ANKLE2: variants seen among roughly 807,000 people sequenced by gnomAD.
The protein encoded by ANKLE2 is ankyrin repeat and LEM domain-containing protein 2.
In ANKLE2, 55 loss-of-function variants were observed where a neutral mutation model predicts 84.2. That is an observed-to-expected ratio of 0.65 (90% CI 0.53 to 0.82). The LOEUF (loss-of-function observed/expected upper bound fraction) is 0.82. Ranked by LOEUF, ANKLE2 falls within the 40% of genes least tolerant of loss-of-function variation. ANKLE2 has a pLI of 0.00. For missense variants in ANKLE2, 1,238 were observed against 1,201.9 expected, an observed-to-expected ratio of 1.03 and a Z score of -0.44; for synonymous variants, 551 against 486.1, an observed-to-expected ratio of 1.13 and a Z score of -1.76.
At position 132,761,774 on chromosome 12, in the gene ANKLE2, C is replaced by T; in HGVS notation, c.25G>A (p.Ala9Thr). Residue 9 changes from alanine (A) to threonine (T), a missense_variant, in exon 1 of 13, where the codon GCC (alanine) becomes ACC (threonine). Physicochemically the swap from Ala to Thr is moderately conservative, Grantham distance 58. Around this residue, in one of 3 missense-constraint regions of ANKLE2, gnomAD observed 422 missense variants for 394.5 expected, o/e 1.07. Coordinates refer to ENST00000357997, the MANE Select transcript of ANKLE2 (RefSeq NM_015114.3). The stretch of plus-strand genomic sequence containing the variant: ...TCCCAGGCCAGCGCCGCCCACTCGG[C>T]CGCCGCCAGCCGCGGCCACAGCATC... MLWPRLAA[A>T]EWAALAWELL... The T allele has an allele frequency of 8.6e-7, 1 of 1,158,208 alleles. No homozygotes were observed. The highest frequency in any genetic ancestry group is 1.6e-5 in the African/African-American group (1 of 61,290). 71.7% of individuals were successfully genotyped at this position (1,158,208 alleles called of 1,614,324 possible).
intron 11 of ANKLE2, 93 bp from the exon 12 acceptor site, chr12:132,728,256 G>C: frequency 6.8e-7 from 1 of 1,478,082 alleles, no homozygotes; most frequent in East Asian, 2.4e-5. Flanking sequence ...TTGAGACGGA[G>C]TCTTGCTCTG....
At chr12:132,730,465 T>G in intron 10 of ANKLE2, 195 bp from the exon 11 acceptor site, 1 of 576,644 alleles carries the variant, frequency 1.7e-6, no homozygotes, top group Non-Finnish European at 2.9e-6. Flanking sequence ...CTCATCAGAT[T>G]TCAGGATGGA....
chr12:132,735,776 G>A (rs186495141), intron 8 of ANKLE2, among the ~76,000 whole-genome samples: 10 of 152,294 alleles, frequency 6.6e-5, no homozygotes, highest in East Asian at 1.9e-4. Flanking sequence ...AGGAGGGCCC[G>A]AGCACGAGGC....
At chr12:132,738,919 T>C (rs903016217) in intron 7 of ANKLE2, 39 of 152,224 alleles carry the variant, frequency 2.6e-4, no homozygotes, top group African/African-American at 8.4e-4. Context: ...GTGGTACATA[T>C]ATACCACAGG....
intron 9 of ANKLE2, 137 bp from the exon 10 acceptor site, chr12:132,734,712 T>A: frequency 1.2e-6 from 1 of 869,306 alleles, no homozygotes; most frequent in Non-Finnish European, 1.7e-6. Flanking sequence ...TATCCTTAAC[T>A]GGCAGCTGAA....
chr12:132,753,460 G>A (rs750171164), intron 2 of ANKLE2, among the ~76,000 whole-genome samples: 1 of 151,746 alleles, frequency 6.6e-6, no homozygotes, highest in East Asian at 2.0e-4. Context: ...GCGAAACCCC[G>A]CCTCTATAAA....
At position 132,761,815 on chromosome 12, in the gene ANKLE2, G is replaced by C; in HGVS notation, c.-17C>G. 2.9e-6 allele frequency: 3 copies of C among 1,026,540 alleles called. No homozygotes were observed. The highest frequency in any genetic ancestry group is 3.5e-6 in the Non-Finnish European group (3 of 859,300). The allele number at this position is 1,026,540 out of a possible 1,614,324, so 63.6% of individuals were successfully genotyped here. ...CCACAGCATCGCCGCCGCCCGGGCCGCAGCCGCCGAGAAGCCCGCGCCCCG... is the reference window on the plus strand; with the variant it reads ...CCACAGCATCGCCGCCGCCCGGGCCCCAGCCGCCGAGAAGCCCGCGCCCCG... On this transcript the variant is annotated 5_prime_UTR_variant, in exon 1 of 13. Coordinates refer to ENST00000357997, the MANE Select transcript of ANKLE2 (RefSeq NM_015114.3).
intron 11 of ANKLE2, among the ~76,000 whole-genome samples, chr12:132,728,711 G>A (rs1294908593): frequency 6.6e-6 from 1 of 152,212 alleles, no homozygotes; most frequent in Non-Finnish European, 1.5e-5. Context: ...GTGATGAGAA[G>A]AGCAGGGGCC....
intron 5 of ANKLE2, among the ~76,000 whole-genome samples, chr12:132,747,011 G>A (rs559634653): frequency 2.6e-4 from 40 of 152,340 alleles, no homozygotes; most frequent in African/African-American, 8.7e-4. Flanking sequence ...AGCTGTGCCC[G>A]CTTCCCAGTG....
intron 6 of ANKLE2, chr12:132,741,945 T>C: frequency 2.3e-6 from 1 of 426,718 alleles, no homozygotes. Context: ...AAATCAACTT[T>C]CTCAGCCCTT....
At chr12:132,734,645 G>A in intron 9 of ANKLE2, 70 bp from the exon 10 acceptor site, 1 of 1,448,558 alleles carries the variant, frequency 6.9e-7, no homozygotes, top group Non-Finnish European at 9.3e-7. Context: ...ACAGAAAAAA[G>A]CCACTAAAGC....
Position 132,750,701 on chromosome 12 carries a change from C to T in ANKLE2, c.789G>A (p.Thr263=), listed in dbSNP as rs576873976. The T allele has an allele frequency of 1.9e-6, 3 of 1,614,104 alleles. No homozygotes were observed. Among genetic ancestry groups the T allele is most frequent in the Non-Finnish European group, 2.5e-6 (3 of 1,180,042 alleles). ...ICDYFPSPSK[T]SLPLSPVKTA... is the part of the protein sequence containing the mutation. ...TTTTCACAGGAGACAGTGGTAAGGA[C>T]GTTTTGCTTGGAGAAGGGAAATAAT... Residue 263 remains threonine, a synonymous_variant, in exon 3 of 13, where the codon ACG becomes ACA. Coordinates refer to ENST00000357997, the MANE Select transcript of ANKLE2 (RefSeq NM_015114.3).
At chr12:132,738,179 C>T (rs7136413) in intron 7 of ANKLE2, 19,182 of 146,172 alleles carry the variant, frequency 0.13, 1,857 homozygotes, top group East Asian at 0.5. Flanking sequence ...AGGTGTGGGC[C>T]GCTGTGCCCG....
chr12:132,732,871 G>A lies in ANKLE2; in HGVS notation c.1891+1514C>T, dbSNP rs566105638. 4.2e-4 allele frequency among the ~76,000 whole-genome samples: 43 copies of A among 103,568 alleles called. 2 individuals carry two copies. The highest frequency in any genetic ancestry group is 7.9e-3 in the Middle Eastern group (1 of 126). 67.9% of individuals were successfully genotyped at this position (103,568 alleles called of 152,430 possible). ...GTGTCTGATATGCACCGTGTGAAGC[G>A]CTCTGCATCCTGGTGTCTGAAATGC... On this transcript the variant is annotated intron_variant, in intron 10 of 12. Coordinates refer to ENST00000357997, the MANE Select transcript of ANKLE2 (RefSeq NM_015114.3).
chr12:132,729,731 C>T lies in ANKLE2; in HGVS notation c.2431G>A (p.Glu811Lys), dbSNP rs773963548. The T allele has an allele frequency of 7.0e-5, 112 of 1,610,582 alleles. 2 individuals carry two copies. In the South Asian group the frequency reaches 9.1e-4, roughly 13 times the overall value. ...TCCCTGGTGACCTCGAGCTGATCCT[C>T]GTGCCTGGGGCTGCTGGGACTCAAG... ...MSLSPSSPRHEDQLEVTREPA... is the reference protein window; with the variant it reads ...MSLSPSSPRHKDQLEVTREPA... Residue 811 changes from glutamate (E) to lysine (K), a missense_variant, in exon 11 of 13, where the codon GAG (glutamate) becomes AAG (lysine). Physicochemically the swap from Glu to Lys is moderately conservative, Grantham distance 56. Transcript: ENST00000357997.
At chr12:132,747,245 CCTCT>C (rs1278979313) in intron 5 of ANKLE2, among the ~76,000 whole-genome samples, 17 of 152,014 alleles carry the variant, frequency 1.1e-4, no homozygotes, top group Middle Eastern at 3.2e-3. Flanking sequence ...TGTCAGGCAG[CCTCT>C]CTCTCACACC....
intron 6 of ANKLE2, 130 bp from the exon 7 acceptor site, chr12:132,741,615 G>T: frequency 1.1e-6 from 1 of 894,234 alleles, no homozygotes; most frequent in Admixed American, 2.2e-5. Flanking sequence ...ATTTAATAAA[G>T]CTCACACTCA....
chr12:132,747,382 C>T (rs1363808538), intron 5 of ANKLE2, among the ~76,000 whole-genome samples: 1 of 151,894 alleles, frequency 6.6e-6, no homozygotes, highest in Non-Finnish European at 1.5e-5. Context: ...CCCTGCGTGT[C>T]AGGCAGCCTC....
chr12:132,729,893 T>C lies in ANKLE2; in HGVS notation c.2269A>G (p.Lys757Glu), dbSNP rs777516084. The change falls in exon 11 of 13, where the codon AAA (lysine) becomes GAA (glutamate). Residue 757 changes from lysine to glutamate, a missense_variant. Physicochemically the swap from Lys to Glu is moderately conservative, Grantham distance 56 (BLOSUM62 1). Coordinates refer to ENST00000357997, the MANE Select transcript of ANKLE2 (RefSeq NM_015114.3). ...GAAGTCAGGATCTGATCTTTAGTTTTTGTACTTTCATCTGGTGTCTTGGAA... is the reference window on the plus strand; with the variant it reads ...GAAGTCAGGATCTGATCTTTAGTTTCTGTACTTTCATCTGGTGTCTTGGAA... ...SVSKTPDEST[K>E]TKDQILTSRI... is the part of the protein sequence containing the mutation. 3.1e-6 allele frequency: 5 copies of C among 1,613,628 alleles called. No homozygotes were observed. The highest frequency in any genetic ancestry group is 1.7e-5 in the Admixed American group (1 of 60,000).
Sources: allele counts gnomAD v4.1 joint callset (sites outside exome capture counted in the v4.1 genomes callset), GRCh38; gene constraint gnomAD v4.1.1; regional missense constraint gnomAD v4.1.1; transcripts MANE v1.5; gene names NCBI Gene and HGNC (gene_info 2026-07-23, HGNC 2026-07-21).